RGS8: variants seen among roughly 807,000 people sequenced by gnomAD.
RGS8 encodes the protein regulator of G protein signaling 8.
In RGS8, 8 loss-of-function variants were observed where a neutral mutation model predicts 21.7. The observed-to-expected ratio is 0.37, with a 90% CI of 0.22 to 0.66. The LOEUF (loss-of-function observed/expected upper bound fraction) is 0.66, where lower values mean the gene tolerates loss of function less well. RGS8 is among the 30% of genes least tolerant of loss of function. The pLI, the probability that RGS8 is intolerant of heterozygous loss-of-function variation, is 0.59. For synonymous variants in RGS8, 80 were observed against 83.6 expected, an observed-to-expected ratio of 0.96 and a Z score of 0.24; for missense variants, 157 against 217.9, an observed-to-expected ratio of 0.72 and a Z score of 1.76.
upstream of RGS8, among the ~76,000 whole-genome samples, chr1:182,676,678 G>A (rs767403915): frequency 1.6e-4 from 24 of 152,186 alleles, no homozygotes; most frequent in Non-Finnish European, 3.1e-4. Context: ...AGGAACATCA[G>A]AGGGGACATG....
the RGS8 span, among the ~76,000 whole-genome samples, chr1:182,735,136 C>T: frequency 1.3e-5 from 2 of 152,066 alleles, no homozygotes; most frequent in Admixed American, 6.6e-5. Flanking sequence ...TGCCTTGAGG[C>T]GAATGGCTAC....
chr1:182,669,876 T>C, intron 2 of RGS8, 124 bp from the exon 4 acceptor site: 3 of 1,079,074 alleles, frequency 2.8e-6, no homozygotes, highest in East Asian at 2.9e-5. Context: ...GCCCCACAAA[T>C]GTCCACTTGT....
At chr1:182,743,751 T>C in the RGS8 span, among the ~76,000 whole-genome samples, 2 of 152,224 alleles carry the variant, frequency 1.3e-5, no homozygotes, top group African/African-American at 4.8e-5. Context: ...ATGGAGGGCC[T>C]CTCTGTTCAC....
chr1:182,679,076 T>C (rs1664459643), intron 1 of RGS8, among the ~76,000 whole-genome samples: 1 of 152,184 alleles, frequency 6.6e-6, no homozygotes, highest in South Asian at 2.1e-4. Flanking sequence ...GGACCCTCCT[T>C]TATGAACTCT....
At chr1:182,750,147 T>C in the RGS8 span, among the ~76,000 whole-genome samples, 4 of 152,254 alleles carry the variant, frequency 2.6e-5, no homozygotes, top group Non-Finnish European at 5.9e-5. Context: ...GAACACATAG[T>C]ATGAGATATG....
the RGS8 span, among the ~76,000 whole-genome samples, chr1:182,745,274 G>A: frequency 1.3e-5 from 2 of 152,144 alleles, no homozygotes; most frequent in Non-Finnish European, 2.9e-5. Context: ...CTAGAAACAG[G>A]AATAAAAGAG....
the RGS8 span, among the ~76,000 whole-genome samples, chr1:182,749,716 T>C: frequency 6.7e-3 from 1,023 of 152,350 alleles, 11 homozygotes; most frequent in African/African-American, 0.023. Flanking sequence ...TTAACCTCTC[T>C]CTTTTTCTGA....
upstream of RGS8, among the ~76,000 whole-genome samples, chr1:182,689,320 A>G (rs1664775313): frequency 6.6e-6 from 1 of 151,110 alleles, no homozygotes; most frequent in African/African-American, 2.4e-5. Context: ...ACAAGTGAAT[A>G]TCTGAGCTCA....
upstream of RGS8, among the ~76,000 whole-genome samples, chr1:182,673,455 A>T (rs1308958788): frequency 2.0e-5 from 3 of 152,004 alleles, no homozygotes. Context: ...TTTCTACTAT[A>T]TCATACCAGG....
At chr1:182,720,937 A>ATATGTGTG in the RGS8 span, among the ~76,000 whole-genome samples, 8 of 72,260 alleles carry the variant, frequency 1.1e-4, no homozygotes, top group Admixed American at 2.7e-4. Flanking sequence ...ACATATATAC[A>ATATGTGTG]TATATATACA....
At chr1:182,751,848 C>G in the RGS8 span, among the ~76,000 whole-genome samples, 1 of 152,200 alleles carries the variant, frequency 6.6e-6, no homozygotes, top group Non-Finnish European at 1.5e-5. Flanking sequence ...GTTGGAAACT[C>G]TAATCATCAG....
At chr1:182,675,835 T>C (rs1416132063), upstream of RGS8, among the ~76,000 whole-genome samples, 1 of 152,222 alleles carries the variant, frequency 6.6e-6, no homozygotes, top group Non-Finnish European at 1.5e-5. Flanking sequence ...AAGATTTATA[T>C]TTTCTGAGCC....
chr1:182,709,398 C>T, the RGS8 span, among the ~76,000 whole-genome samples: 1 of 152,292 alleles, frequency 6.6e-6, no homozygotes, highest in East Asian at 1.9e-4. Context: ...TCCATACCCA[C>T]TCAAACCAGA....
rs748404813 is a variant in RGS8, at chr1:182,666,860, C to T, written c.128+12G>A. 7 of 1,601,776 alleles carry T rather than the reference C, an allele frequency of 4.4e-6. No homozygotes were observed. The highest frequency in any genetic ancestry group is 2.2e-5 in the East Asian group (1 of 44,830). On this transcript the variant is annotated intron_variant, in intron 4 of 6. Transcript: ENST00000483095. Reference sequence around the variant, plus strand: ...TATTACCCAGGGAATGGCACGTGGCCGTACTACTCACTTGAGAGCGCGGTT... The same window carrying T: ...TATTACCCAGGGAATGGCACGTGGCTGTACTACTCACTTGAGAGCGCGGTT...
chr1:182,681,263 A>G (rs1301614333), intron 1 of RGS8, among the ~76,000 whole-genome samples: 1 of 152,136 alleles, frequency 6.6e-6, no homozygotes, highest in Non-Finnish European at 1.5e-5. Flanking sequence ...AAACCCTGTC[A>G]CAACTGAAAT....
At chr1:182,725,763 G>A in the RGS8 span, among the ~76,000 whole-genome samples, 3,233 of 152,296 alleles carry the variant, frequency 0.021, 48 homozygotes, top group Non-Finnish European at 0.034. Flanking sequence ...GGTGGGCTCA[G>A]CCACACAGCA....
At chr1:182,648,212 G>A in exon 6 of RGS8, 1 of 1,613,656 alleles carries the variant, frequency 6.2e-7, no homozygotes, top group Non-Finnish European at 8.5e-7. Context: ...CAGTTGACCT[G>A]GTCTTCTTGA....
intron 5 of RGS8, among the ~76,000 whole-genome samples, chr1:182,659,942 G>C (rs1042833450): frequency 6.6e-6 from 1 of 152,092 alleles, no homozygotes; most frequent in African/African-American, 2.4e-5. Flanking sequence ...AGGCAAAGGG[G>C]ACAAGTATTA....
chr1:182,741,331 C>T, the RGS8 span, among the ~76,000 whole-genome samples: 8 of 131,054 alleles, frequency 6.1e-5, no homozygotes, highest in East Asian at 4.9e-4. Context: ...ACCTCCCTCC[C>T]GGACGGGGCG....
Sources: allele counts gnomAD v4.1 joint callset (sites outside exome capture counted in the v4.1 genomes callset), GRCh38; gene constraint gnomAD v4.1.1; transcripts MANE v1.5; gene names NCBI Gene and HGNC (gene_info 2026-07-23, HGNC 2026-07-21).